FRMD5: variants seen among roughly 807,000 people sequenced by gnomAD.
The protein encoded by FRMD5 is FERM domain-containing protein 5.
FRMD5 carries 20 observed loss-of-function variants against 69.0 expected under a neutral mutation model. That is an observed-to-expected ratio of 0.29 (90% CI 0.20 to 0.42). The LOEUF is 0.42. Among genes scored for constraint, FRMD5 ranks in the 10% least tolerant of loss-of-function variants. The pLI, the probability that FRMD5 is intolerant of heterozygous loss-of-function variation, is 1.00. For missense variants in FRMD5, 595 were observed against 708.6 expected (o/e 0.84, Z 1.82); for synonymous variants, 271 against 260.1 (o/e 1.04, Z -0.40).
At chr15:44,122,704 T>TC (rs2076970593) in intron 1 of FRMD5, among the ~76,000 whole-genome samples, 1 of 152,032 alleles carries the variant, frequency 6.6e-6, no homozygotes, top group South Asian at 2.1e-4. Flanking sequence ...ATGGAGATCA[T>TC]CCTGGCTAAC....
At chr15:44,111,451 A>C (rs1251721797) in intron 1 of FRMD5, among the ~76,000 whole-genome samples, 16 of 152,288 alleles carry the variant, frequency 1.1e-4, no homozygotes, top group Admixed American at 6.5e-4. Flanking sequence ...ATTTCTCTTG[A>C]TCATCAGGTT....
At chr15:44,096,206 C>CGAA (rs1482947751) in intron 1 of FRMD5, among the ~76,000 whole-genome samples, 1 of 47,902 alleles carries the variant, frequency 2.1e-5, no homozygotes, top group South Asian at 9.1e-4. Flanking sequence ...AACTCCATCT[C>CGAA]AAAAAAAAAA....
At chr15:44,099,833 A>G (rs527605420) in intron 1 of FRMD5, among the ~76,000 whole-genome samples, 1 of 152,312 alleles carries the variant, frequency 6.6e-6, no homozygotes, top group Admixed American at 6.5e-5. Flanking sequence ...GGAATTAATT[A>G]TAGAGTTGCA....
chr15:44,167,449 G>T (rs2077729033), intron 1 of FRMD5, among the ~76,000 whole-genome samples: 1 of 151,992 alleles, frequency 6.6e-6, no homozygotes, highest in Admixed American at 6.5e-5. Flanking sequence ...TACTCTCTCT[G>T]CCCTAGACAC....
intron 13 of FRMD5, chr15:43,876,239 C>A: frequency 6.4e-7 from 1 of 1,554,758 alleles, no homozygotes; most frequent in Non-Finnish European, 8.8e-7. Context: ...TTCCTTTGGG[C>A]GGCATCTTGG....
At chr15:43,995,425 A>G (rs1189058935) in intron 1 of FRMD5, among the ~76,000 whole-genome samples, 1 of 152,018 alleles carries the variant, frequency 6.6e-6, no homozygotes, top group Non-Finnish European at 1.5e-5. Context: ...GTGTGCCTGG[A>G]GCCTGAGTTT....
intron 1 of FRMD5, among the ~76,000 whole-genome samples, chr15:44,151,013 A>G (rs2077436592): frequency 1.3e-5 from 2 of 151,510 alleles, no homozygotes; most frequent in African/African-American, 4.9e-5. Flanking sequence ...AATTGCTTCA[A>G]CTTGGGAAGC....
chr15:43,875,008 G>C (rs970918939), intron 13 of FRMD5, among the ~76,000 whole-genome samples: 8 of 152,164 alleles, frequency 5.3e-5, no homozygotes, highest in African/African-American at 1.9e-4. Context: ...GACCAGCCTG[G>C]CCAACATGGT....
rs2088221536 is a variant in FRMD5 at position 43,873,529 on chromosome 15, CAGTAAT to C, written c.*350_*355del. 118 of 1,397,212 alleles carry C rather than the reference CAGTAAT, an allele frequency of 8.4e-5. 1 individual carries two copies. The South Asian group carries it at 1.5e-3, about 17-fold the overall frequency. The allele number at this position is 1,397,212 out of a possible 1,614,324, so 86.6% of individuals were successfully genotyped here. ...TGCTAGGTGATACTACTGCAATAATCAGTAATAGTAAAATAAATTATTTTTATTTGA... is the reference window on the plus strand; with the variant it reads ...TGCTAGGTGATACTACTGCAATAATCAGTAAAATAAATTATTTTTATTTGA... On this transcript the variant is annotated 3_prime_UTR_variant, in exon 14 of 14. Transcript: ENST00000417257.
chr15:44,054,357 C>A (rs1234542015), intron 1 of FRMD5, among the ~76,000 whole-genome samples: 1 of 152,162 alleles, frequency 6.6e-6, no homozygotes, highest in Non-Finnish European at 1.5e-5. Flanking sequence ...TCTCCAGAGC[C>A]ATTTGGAACA....
At chr15:43,909,669 G>A (rs1435466558) in intron 5 of FRMD5, among the ~76,000 whole-genome samples, 3 of 152,012 alleles carry the variant, frequency 2.0e-5, no homozygotes, top group Non-Finnish European at 2.9e-5. Context: ...TAGTAGAGAC[G>A]GGGTTTCACC....
chr15:44,172,402 G>A (rs2077821500), intron 1 of FRMD5, among the ~76,000 whole-genome samples: 1 of 151,804 alleles, frequency 6.6e-6, no homozygotes, highest in Admixed American at 6.6e-5. Context: ...TCAGGTGTGA[G>A]CCACCATACC....
At chr15:44,067,623 C>T (rs1275213750) in intron 1 of FRMD5, among the ~76,000 whole-genome samples, 1 of 152,126 alleles carries the variant, frequency 6.6e-6, no homozygotes, top group Non-Finnish European at 1.5e-5. Flanking sequence ...CCCCTTGAGC[C>T]TCTTTTATAG....
intron 1 of FRMD5, among the ~76,000 whole-genome samples, chr15:44,044,307 T>C (rs545957630): frequency 2.0e-5 from 3 of 152,324 alleles, no homozygotes; most frequent in Admixed American, 2.0e-4. Context: ...ATAGGAACAC[T>C]TTTACACTGT....
At chr15:44,156,859 G>C (rs1394718780) in intron 1 of FRMD5, among the ~76,000 whole-genome samples, 1 of 152,088 alleles carries the variant, frequency 6.6e-6, no homozygotes, top group East Asian at 1.9e-4. Context: ...TCCAGCTCAA[G>C]AGTTCATGAC....
intron 11 of FRMD5, chr15:43,885,132 GTTC>G: frequency 4.0e-6 from 1 of 252,546 alleles, no homozygotes; most frequent in Non-Finnish European, 7.6e-6. Context: ...CACTGTTATA[GTTC>G]TTATTTTGCT....
At chr15:44,170,946 C>T (rs1288540843) in intron 1 of FRMD5, among the ~76,000 whole-genome samples, 1 of 151,950 alleles carries the variant, frequency 6.6e-6, no homozygotes, top group Admixed American at 6.6e-5. Context: ...AAAGCCATTC[C>T]ATGACAAGAT....
intron 6 of FRMD5, among the ~76,000 whole-genome samples, chr15:43,903,368 C>G (rs770398483): frequency 1.3e-5 from 2 of 152,200 alleles, no homozygotes; most frequent in Non-Finnish European, 1.5e-5. Context: ...AGGCCAGATT[C>G]CCCCTAGTGT....
At position 44,158,251 on chromosome 15, in the gene FRMD5, T is replaced by C. The variant is rs565528256; in HGVS notation, c.102+36702A>G. On this transcript the variant is annotated intron_variant, in intron 1 of 13. Transcript: ENST00000417257. ...ACTACTGTGAGAACTTAGTAGCAGT[T>C]CTACTTTTAAGAATTGTTCCCATCT... Among the ~76,000 whole-genome samples the C allele has an allele frequency of 4.6e-5, 7 of 152,248 alleles. No individual in the cohort carries two copies. In the South Asian group the frequency reaches 1.5e-3, roughly 32 times the overall value.
Sources: gnomAD v4.1 joint callset for allele counts (sites outside exome capture counted in the v4.1 genomes callset) on GRCh38, gnomAD v4.1.1 for gene constraint, MANE v1.5 for transcripts, NCBI Gene and HGNC (gene_info 2026-07-23, HGNC 2026-07-21) for gene names.